AOC1: variants seen among roughly 807,000 people sequenced by gnomAD.
AOC1 encodes the protein amine oxidase copper containing 1, also known as diamine oxidase [copper-containing].
AOC1 carries 58 observed loss-of-function variants against 57.1 expected under a neutral mutation model. The ratio of observed to expected loss-of-function variants is 1.02; its 90% CI spans 0.82 to 1.26. The LOEUF (loss-of-function observed/expected upper bound fraction) is 1.26, where lower values mean the gene tolerates loss of function less well. Among genes scored for constraint, AOC1 ranks in the 50% most tolerant of loss-of-function variants. The probability of loss-of-function intolerance (pLI) is 0.00; values close to 1 mark genes in which losing one functional copy is unlikely to be tolerated. For missense variants in AOC1, 917 were observed against 1,005.3 expected (o/e 0.91, Z 1.19); for synonymous variants, 401 against 423.4 (o/e 0.95, Z 0.65).
Position 150,857,504 on chromosome 7 carries a change from G to C in AOC1, c.1034G>C (p.Arg345Pro), listed in dbSNP as rs766806992. 86 of 1,613,620 alleles carry C rather than the reference G, an allele frequency of 5.3e-5. No individual in the cohort carries two copies. Among genetic ancestry groups the C allele is most frequent in the Non-Finnish European group, 7.1e-5 (84 of 1,179,970 alleles). ...QVLNVHFGGERIAYEVSVQEA... is the reference protein window; with the variant it reads ...QVLNVHFGGEPIAYEVSVQEA... Reference sequence around the variant, plus strand: ...CTGAACGTGCACTTCGGCGGAGAGCGCATTGCCTATGAGGTCAGCGTGCAA... The same window carrying C: ...CTGAACGTGCACTTCGGCGGAGAGCCCATTGCCTATGAGGTCAGCGTGCAA... The change falls in exon 2 of 5, where the codon CGC becomes CCC. Residue 345 changes from arginine to proline, a missense_variant. Transcript: ENST00000360937. This position sits in a 1 kb window ranked among gnomAD's most constrained non-coding sequence, Gnocchi z 6.6.
chr7:150,860,441 C>A, intron 3 of AOC1, 60 bp from the exon 4 acceptor site: 1 of 1,610,956 alleles, frequency 6.2e-7, no homozygotes. Context: ...GTTCCCTGGG[C>A]AGGACTGAGG....
intron 3 of AOC1, chr7:150,859,790 TC>T (rs1453077855): frequency 6.5e-6 from 1 of 154,092 alleles, no homozygotes; most frequent in African/African-American, 2.4e-5. Flanking sequence ...GTCTTTATCC[TC>T]GTCTCCTTCA....
chr7:150,856,731 T>A lies in AOC1; in HGVS notation c.261T>A (p.Asp87Glu), dbSNP rs1205131658. 1 of 1,614,010 alleles carries A rather than the reference T, an allele frequency of 6.2e-7. No individual in the cohort carries two copies. The highest frequency in any genetic ancestry group is 1.3e-5 in the African/African-American group (1 of 74,928). ...AGTACCATGTGCTGAGGTTTCTGGA[T>A]AAAGGTGAAAGGCATCCTGTGCGGG... ...PKKYHVLRFL[D>E]KGERHPVREA... Residue 87 changes from aspartate (D) to glutamate (E), a missense_variant, in exon 2 of 5, where the codon GAT becomes GAA. By Grantham distance (45) the Asp-to-Glu change is conservative. Transcript: ENST00000360937. This position sits in a 1 kb window ranked among gnomAD's most constrained non-coding sequence, Gnocchi z 5.2.
rs780882327 is a variant in AOC1, at chr7:150,861,110, G to A, written c.2157G>A (p.Arg719=). ...ASRDTVIVWP[R]DNGPNYVQRW... Reference sequence around the variant, plus strand: ...GAGACACTGTGATCGTGTGGCCTCGGGACAACGGCCCCAACTACGTCCAGC... The same window carrying A: ...GAGACACTGTGATCGTGTGGCCTCGAGACAACGGCCCCAACTACGTCCAGC... Residue 719 remains arginine, a synonymous_variant, in exon 5 of 5, where the codon CGG becomes CGA. Transcript: ENST00000360937. This position sits in a 1 kb window ranked among gnomAD's most constrained non-coding sequence, Gnocchi z 4.5. The A allele has an allele frequency of 1.2e-6, 2 of 1,614,136 alleles. No individual in the cohort carries two copies. The highest frequency in any genetic ancestry group is 1.7e-6 in the Non-Finnish European group (2 of 1,179,990).
Position 150,856,483 on chromosome 7 carries a change from G to C in AOC1, c.13G>C (p.Gly5Arg), listed in dbSNP as rs1799778216. The C allele has an allele frequency of 6.2e-7, 1 of 1,613,238 alleles. No homozygotes were observed. The highest frequency in any genetic ancestry group is 1.7e-5 in the Admixed American group (1 of 59,960). Residue 5 changes from glycine to arginine, a missense_variant, in exon 2 of 5, where the codon GGC becomes CGC. Coordinates refer to ENST00000360937, the MANE Select transcript of AOC1 (RefSeq NM_001091.4). The surrounding 1 kb of genome is among the most constrained non-coding windows in gnomAD (Gnocchi z 5.2). Reference protein sequence around the residue: MPALGWAVAAILMLQ... With the variant: MPALRWAVAAILMLQ... ...CGTGGAGCGAGAGATGCCGGCCCTG[G>C]GCTGGGCCGTGGCTGCCATCCTGAT...
Position 150,857,613 on chromosome 7 carries a change from C to A in AOC1, c.1143C>A (p.Val381=). The change falls in exon 2 of 5, where the codon GTC becomes GTA. Residue 381 remains valine (V), a synonymous_variant. Coordinates refer to ENST00000360937, the MANE Select transcript of AOC1 (RefSeq NM_001091.4). The surrounding 1 kb of genome is among the most constrained non-coding windows in gnomAD (Gnocchi z 6.6). ...YLDVGWGLGS[V]THELAPGIDC... The stretch of plus-strand genomic sequence containing the variant: ...ATGTCGGCTGGGGCCTGGGCAGCGT[C>A]ACTCATGAGTTAGCCCCCGGCATCG... 1 of 1,614,004 alleles carries A rather than the reference C, an allele frequency of 6.2e-7. No homozygotes were observed. Among genetic ancestry groups the A allele is most frequent in the Non-Finnish European group, 8.5e-7 (1 of 1,180,004 alleles).
At position 150,859,008 on chromosome 7, in the gene AOC1, C is replaced by A. The variant is rs749457406; in HGVS notation, c.1816C>A (p.Pro606Thr). The change falls in exon 3 of 5, where the codon CCC becomes ACC. Residue 606 changes from proline (P) to threonine (T), a missense_variant. Transcript: ENST00000360937. ...CCACTCCATGGCCGACCAGGTGCTG[C>A]CCCCAGGCTGGCAGGAGGAGCAGGC... ...QIHSMADQVL[P>T]PGWQEEQAIT... 7 of 1,587,146 alleles carry A rather than the reference C, an allele frequency of 4.4e-6. No individual in the cohort carries two copies. The African/African-American group carries it at 6.7e-5, about 15-fold the overall frequency.
In AOC1 at chr7:150,857,697, G is replaced by T. The variant is rs182977889; in HGVS notation, c.1227G>T (p.Pro409=). Residue 409 remains proline, a synonymous_variant, in exon 2 of 5, where the codon CCG becomes CCT. Coordinates refer to ENST00000360937, the MANE Select transcript of AOC1 (RefSeq NM_001091.4). This position sits in a 1 kb window ranked among gnomAD's most constrained non-coding sequence, Gnocchi z 6.6. ...TCCACTACTATGATGCCGATGACCC[G>T]GTCCATTATCCCCGAGCCCTCTGCC... ...DTFHYYDADD[P]VHYPRALCLF... The T allele has an allele frequency of 6.2e-7, 1 of 1,614,066 alleles. No homozygotes were observed. Among genetic ancestry groups the T allele is most frequent in the South Asian group, 1.1e-5 (1 of 91,080 alleles).
At chr7:150,853,661 CTATATATATATATATATATATA>C (rs201712777) in intron 1 of AOC1, among the ~76,000 whole-genome samples, 3 of 62,798 alleles carry the variant, frequency 4.8e-5, no homozygotes, top group Non-Finnish European at 8.4e-5. Flanking sequence ...GAGATCCTGA[CTATATATATATATATATATATA>C]TATATATATA....
Position 150,857,463 on chromosome 7 carries a change from C to G in AOC1, c.993C>G (p.Ser331=), listed in dbSNP as rs754706615. Reference sequence around the variant, plus strand: ...GCTTTGCCTTCCGGCTGCGCTCCTCCTCCGGGCTGCAGGTCCTGAACGTGC... The same window carrying G: ...GCTTTGCCTTCCGGCTGCGCTCCTCGTCCGGGCTGCAGGTCCTGAACGTGC... The part of the protein sequence containing the change: ...GWSFAFRLRS[S]SGLQVLNVHF... The change falls in exon 2 of 5, where the codon TCC becomes TCG. Residue 331 remains serine, a synonymous_variant. Transcript: ENST00000360937. This position sits in a 1 kb window ranked among gnomAD's most constrained non-coding sequence, Gnocchi z 6.6. 6.2e-7 allele frequency: 1 copy of G among 1,612,498 alleles called. No individual in the cohort carries two copies. The highest frequency in any genetic ancestry group is 1.3e-5 in the African/African-American group (1 of 74,936).
At position 150,861,359 on chromosome 7, in the gene AOC1, C is replaced by T; in HGVS notation, c.*150C>T. 1 of 873,156 alleles carries T rather than the reference C, an allele frequency of 1.1e-6. No homozygotes were observed. Among genetic ancestry groups the T allele is most frequent in the Non-Finnish European group, 1.7e-6 (1 of 584,682 alleles). The allele number at this position is 873,156 out of a possible 1,614,324, so 54.1% of individuals were successfully genotyped here. A position where few individuals can be genotyped will look rare whatever the true frequency, so the allele number is the denominator to read the frequency against. On this transcript the variant is annotated 3_prime_UTR_variant, in exon 5 of 5. Transcript: ENST00000360937. This position sits in a 1 kb window ranked among gnomAD's most constrained non-coding sequence, Gnocchi z 4.5. Reference sequence around the variant, plus strand: ...TAGGAAACACACGAACAGACGTGCACACACACAGACGTGCACACACACACA... The same window carrying T: ...TAGGAAACACACGAACAGACGTGCATACACACAGACGTGCACACACACACA...
rs1300160205 is a variant in AOC1, at chr7:150,856,609, T to C, written c.139T>C (p.Phe47Leu). Residue 47 changes from phenylalanine to leucine, a missense_variant, in exon 2 of 5, where the codon TTC becomes CTC. By Grantham distance (22) the Phe-to-Leu change is conservative. Coordinates refer to ENST00000360937, the MANE Select transcript of AOC1 (RefSeq NM_001091.4). The surrounding 1 kb of genome is among the most constrained non-coding windows in gnomAD (Gnocchi z 5.2). Reference sequence around the variant, plus strand: ...CCAAGAGCTGAAGGCAGTGCACAGCTTCCTCTGGTCCAAGAAGGAGCTGAG... The same window carrying C: ...CCAAGAGCTGAAGGCAGTGCACAGCCTCCTCTGGTCCAAGAAGGAGCTGAG... Reference protein sequence around the residue: ...SNQELKAVHSFLWSKKELRLQ... With the variant: ...SNQELKAVHSLLWSKKELRLQ... 1.2e-6 allele frequency: 2 copies of C among 1,614,100 alleles called. No homozygotes were observed. The highest frequency in any genetic ancestry group is 1.7e-6 in the Non-Finnish European group (2 of 1,179,974).
At position 150,860,568 on chromosome 7, in the gene AOC1, G is replaced by A. The variant is rs868863253; in HGVS notation, c.1924G>A (p.Asp642Asn). The change falls in exon 4 of 5, where the codon GAC (aspartate) becomes AAC (asparagine). Residue 642 changes from aspartate (D) to asparagine (N), a missense_variant. Asp to Asn is a conservative substitution (Grantham distance 23, BLOSUM62 1). Transcript: ENST00000360937. ...CAGCAGCAGCATCTACCACCAGAACGACCCCTGGCACCCGCCCGTGGTCTT... is the reference window on the plus strand; with the variant it reads ...CAGCAGCAGCATCTACCACCAGAACAACCCCTGGCACCCGCCCGTGGTCTT... Reference protein sequence around the residue: ...LCSSSIYHQNDPWHPPVVFEQ... With the variant: ...LCSSSIYHQNNPWHPPVVFEQ... The A allele has an allele frequency of 4.3e-6, 7 of 1,614,040 alleles. No homozygotes were observed. Among genetic ancestry groups the A allele is most frequent in the Middle Eastern group, 1.6e-4 (1 of 6,062 alleles).
chr7:150,859,092 C>T, intron 3 of AOC1, 44 bp downstream of exon 3: 2 of 1,491,288 alleles, frequency 1.3e-6, no homozygotes, highest in Non-Finnish European at 1.8e-6. Flanking sequence ...AGTGGCTTCC[C>T]TCAGTGTGTG....
Position 150,857,062 on chromosome 7 carries a change from C to T in AOC1, c.592C>T (p.Arg198Cys), listed in dbSNP as rs772904427. ...APRGVASGQR[R>C]SWLIIQRYVE... Reference sequence around the variant, plus strand: ...CCGGGGTGTGGCTTCTGGCCAGCGCCGCAGTTGGCTTATCATACAGCGCTA... The same window carrying T: ...CCGGGGTGTGGCTTCTGGCCAGCGCTGCAGTTGGCTTATCATACAGCGCTA... The change falls in exon 2 of 5, where the codon CGC becomes TGC. Residue 198 changes from arginine (R) to cysteine (C), a missense_variant. Arg to Cys is a radical substitution (Grantham distance 180). Coordinates refer to ENST00000360937, the MANE Select transcript of AOC1 (RefSeq NM_001091.4). This position sits in a 1 kb window ranked among gnomAD's most constrained non-coding sequence, Gnocchi z 6.6. The T allele has an allele frequency of 2.0e-5, 33 of 1,613,998 alleles. 1 individual carries two copies. Among genetic ancestry groups the T allele is most frequent in the Admixed American group, 8.3e-5 (5 of 60,002 alleles).
At position 150,858,958 on chromosome 7, in the gene AOC1, A is replaced by T; in HGVS notation, c.1766A>T (p.His589Leu). Reference sequence around the variant, plus strand: ...AGCCCCCAGGAGAACCCCTGGGGCCACAAGCGCACGTACCGCCTGCAGATC... The same window carrying T: ...AGCCCCCAGGAGAACCCCTGGGGCCTCAAGCGCACGTACCGCCTGCAGATC... ...FTSPQENPWG[H>L]KRTYRLQIHS... Residue 589 changes from histidine (H) to leucine (L), a missense_variant, in exon 3 of 5, where the codon CAC becomes CTC. Transcript: ENST00000360937. 1 of 1,609,936 alleles carries T rather than the reference A, an allele frequency of 6.2e-7. No homozygotes were observed. Among genetic ancestry groups the T allele is most frequent in the Non-Finnish European group, 8.5e-7 (1 of 1,177,430 alleles).
chr7:150,861,216 C>G lies in AOC1; in HGVS notation c.*7C>G. The G allele has an allele frequency of 6.4e-7, 1 of 1,558,800 alleles. No individual in the cohort carries two copies. Among genetic ancestry groups the G allele is most frequent in the Non-Finnish European group, 8.7e-7 (1 of 1,145,364 alleles). The stretch of plus-strand genomic sequence containing the variant: ...GACCTATAGACCTGTGTGACCAGCC[C>G]CCAGTTCCTCCCCCAGTTCCTCCCA... On this transcript the variant is annotated 3_prime_UTR_variant, in exon 5 of 5. Coordinates refer to ENST00000360937, the MANE Select transcript of AOC1 (RefSeq NM_001091.4). This position sits in a 1 kb window ranked among gnomAD's most constrained non-coding sequence, Gnocchi z 4.5.
Position 150,859,002 on chromosome 7 carries a change from G to A in AOC1, c.1810G>A (p.Val604Met), listed in dbSNP as rs757026341. The A allele has an allele frequency of 6.3e-7, 1 of 1,591,574 alleles. No homozygotes were observed. The highest frequency in any genetic ancestry group is 1.1e-5 in the South Asian group (1 of 89,760). ...RLQIHSMADQVLPPGWQEEQA... is the reference protein window; with the variant it reads ...RLQIHSMADQMLPPGWQEEQA... ...GCAGATCCACTCCATGGCCGACCAG[G>A]TGCTGCCCCCAGGCTGGCAGGAGGA... Residue 604 changes from valine to methionine, a missense_variant, in exon 3 of 5, where the codon GTG (valine) becomes ATG (methionine). Coordinates refer to ENST00000360937, the MANE Select transcript of AOC1 (RefSeq NM_001091.4).
At chr7:150,860,351 C>T in intron 3 of AOC1, 150 bp from the exon 4 acceptor site, 1 of 1,372,562 alleles carries the variant, frequency 7.3e-7, no homozygotes, top group South Asian at 1.3e-5. Context: ...TTAACAGCAG[C>T]CCGTCCTGCT....
Sources: gnomAD v4.1 joint callset for allele counts (sites outside exome capture counted in the v4.1 genomes callset) on GRCh38, gnomAD v4.1.1 for gene constraint, Gnocchi (gnomAD v3.1) non-coding constraint, MANE v1.5 for transcripts, NCBI Gene and HGNC (gene_info 2026-07-23, HGNC 2026-07-21) for gene names.